The following DDX43 variants were observed in gnomAD, a reference collection of about 807,000 sequenced individuals.
DDX43 encodes the protein probable ATP-dependent RNA helicase DDX43.
DDX43 carries 50 observed loss-of-function variants against 84.9 expected under a neutral mutation model. The ratio of observed to expected loss-of-function variants is 0.59; its 90% CI spans 0.47 to 0.75. The LOEUF (loss-of-function observed/expected upper bound fraction) is 0.75. Ranked by LOEUF, DDX43 falls within the 30% of genes least tolerant of loss-of-function variation. DDX43 has a pLI of 0.00. For synonymous variants in DDX43, 291 were observed against 266.3 expected (o/e 1.09, Z -0.90); for missense variants, 689 against 798.6 (o/e 0.86, Z 1.65).
In DDX43 at chr6:73,406,236, A is replaced by C. The variant is rs112999480; in HGVS notation, c.808-128A>C. The C allele has an allele frequency of 3.7e-3, 2,124 of 572,102 alleles. 42 individuals carry two copies. Among genetic ancestry groups the C allele is most frequent in the African/African-American group, 0.037 (1,944 of 52,452 alleles). 35.4% of individuals were successfully genotyped at this position (572,102 alleles called of 1,614,324 possible). ...ACGGTTTCTCTATGTTGGTCAGGCT[A>C]GTCTCGAACTCCCGACCTCAGGAGA... On this transcript the variant is annotated intron_variant, in intron 6 of 16. Transcript: ENST00000370336.
In DDX43 at chr6:73,405,221, A is replaced by G. The variant is rs79298067; in HGVS notation, c.650+450A>G. ...TGGTTTTTCTTACTATTAAAGTCTGATAAAACTAAGAGATGCATGGAATAG... is the reference window on the plus strand; with the variant it reads ...TGGTTTTTCTTACTATTAAAGTCTGGTAAAACTAAGAGATGCATGGAATAG... On this transcript the variant is annotated intron_variant, in intron 5 of 16. Transcript: ENST00000370336. Among the ~76,000 whole-genome samples the G allele has an allele frequency of 8.4e-3, 1,283 of 152,304 alleles. 24 individuals carry two copies. The highest frequency in any genetic ancestry group is 0.029 in the African/African-American group (1,217 of 41,564).
In DDX43 at chr6:73,417,213, A is replaced by C. The variant is rs972822810; in HGVS notation, c.*52A>C. 6.6e-6 allele frequency: 1 copy of C among 152,180 alleles called. No homozygotes were observed. Among genetic ancestry groups the C allele is most frequent in the East Asian group, 1.9e-4 (1 of 5,202 alleles). 9.4% of individuals were successfully genotyped at this position (152,180 alleles called of 1,614,324 possible). A position where few individuals can be genotyped will look rare whatever the true frequency, so the allele number is the denominator to read the frequency against. ...ATTCAAGATTTTTTAGAAATATAGT[A>C]AGACGGAAGTATTGGACATGTTGGC... is the stretch of plus-strand genomic sequence containing the variant. On this transcript the variant is annotated 3_prime_UTR_variant, in exon 17 of 17. Transcript: ENST00000370336.
intron 5 of DDX43, among the ~76,000 whole-genome samples, chr6:73,405,375 A>G (rs1366681318): frequency 1.3e-5 from 2 of 152,184 alleles, no homozygotes; most frequent in African/African-American, 2.4e-5. Context: ...TAGGCCCTCA[A>G]TGTTTGCCAA....
At chr6:73,412,322 C>T (rs912287908) in intron 11 of DDX43, 30 bp downstream of exon 11, 21 of 1,573,184 alleles carry the variant, frequency 1.3e-5, no homozygotes, top group Non-Finnish European at 1.7e-5. Context: ...TATTGTTTAA[C>T]ATTTCTTATG....
At chr6:73,404,605 A>G in intron 4 of DDX43, 85 bp from the exon 5 acceptor site, 1 of 1,018,790 alleles carries the variant, frequency 9.8e-7, no homozygotes, top group East Asian at 2.4e-5. Flanking sequence ...AATAAAATAT[A>G]TTGTAGTATG....
chr6:73,416,554 A>T (rs1769907882), intron 16 of DDX43, among the ~76,000 whole-genome samples: 1 of 152,252 alleles, frequency 6.6e-6, no homozygotes, highest in Non-Finnish European at 1.5e-5. Context: ...AAGAAAACTC[A>T]GTCATATAGA....
At chr6:73,411,092 C>T (rs527836420) in intron 10 of DDX43, among the ~76,000 whole-genome samples, 96 of 137,570 alleles carry the variant, frequency 7.0e-4, no homozygotes, top group African/African-American at 2.4e-3. Context: ...AGGAGAATGG[C>T]GTGAACCTGG....
chr6:73,406,155 C>T (rs1367443230), intron 6 of DDX43, among the ~76,000 whole-genome samples: 1 of 151,836 alleles, frequency 6.6e-6, no homozygotes, highest in Non-Finnish European at 1.5e-5. Flanking sequence ...TCCCTTGTAG[C>T]TGGGATTACA....
In DDX43 at chr6:73,417,252, C is replaced by T. The variant is rs183325418; in HGVS notation, c.*91C>T. The T allele has an allele frequency of 5.8e-4, 88 of 152,062 alleles. 1 individual carries two copies. Among genetic ancestry groups the T allele is most frequent in the African/African-American group, 2.0e-3 (81 of 41,494 alleles). The allele number at this position is 152,062 out of a possible 1,614,324, so 9.4% of individuals were successfully genotyped here. A position where few individuals can be genotyped will look rare whatever the true frequency, so the allele number is the denominator to read the frequency against. On this transcript the variant is annotated 3_prime_UTR_variant, in exon 17 of 17. Transcript: ENST00000370336. ...GGACATGTTGGCAGTATGAAGAGAC[C>T]GGACTGATTTGACTGATTCTTAAAA... is the stretch of plus-strand genomic sequence containing the variant.
At chr6:73,405,132 AATCTT>A (rs1297039161) in intron 5 of DDX43, among the ~76,000 whole-genome samples, 2 of 152,100 alleles carry the variant, frequency 1.3e-5, no homozygotes, top group African/African-American at 2.4e-5. Context: ...AAAAAGATCT[AATCTT>A]GTTAATTTCT....
intron 9 of DDX43, among the ~76,000 whole-genome samples, chr6:73,408,717 T>C (rs1446717877): frequency 6.6e-6 from 1 of 151,840 alleles, no homozygotes; most frequent in Non-Finnish European, 1.5e-5. Flanking sequence ...CCACCACACC[T>C]GGCTAATTTT....
chr6:73,410,055 T>C (rs981485171), intron 10 of DDX43, among the ~76,000 whole-genome samples: 1 of 151,262 alleles, frequency 6.6e-6, no homozygotes, highest in African/African-American at 2.4e-5. Context: ...AAGAATGATA[T>C]ATCCTGGGCT....
intron 10 of DDX43, among the ~76,000 whole-genome samples, chr6:73,410,191 C>A (rs1435166774): frequency 6.6e-6 from 1 of 152,116 alleles, no homozygotes; most frequent in Non-Finnish European, 1.5e-5. Context: ...TATTTTGAGA[C>A]AAAGTCTCGC....
In DDX43 at chr6:73,414,004, A is replaced by G; in HGVS notation, c.1531A>G (p.Asn511Asp). 5.0e-6 allele frequency: 8 copies of G among 1,612,444 alleles called. No individual in the cohort carries two copies. Among genetic ancestry groups the G allele is most frequent in the Non-Finnish European group, 6.8e-6 (8 of 1,178,556 alleles). The change falls in exon 13 of 17, where the codon AAT (asparagine) becomes GAT (aspartate). Residue 511 changes from asparagine (N) to aspartate (D), a missense_variant. Physicochemically the swap from Asn to Asp is conservative, Grantham distance 23. Coordinates refer to ENST00000370336, the MANE Select transcript of DDX43 (RefSeq NM_018665.3). ...DHLSSDLILG[N>D]ISVESLHGDR... ...CTTATCAAGTGACCTAATACTTGGA[A>G]ATATATCAGTAGAGTCTCTGCATGG... is the stretch of plus-strand genomic sequence containing the variant.
At chr6:73,409,392 G>A in intron 10 of DDX43, 44 bp downstream of exon 10, 1 of 1,418,356 alleles carries the variant, frequency 7.1e-7, no homozygotes, top group Non-Finnish European at 9.9e-7. Flanking sequence ...GAAATCAGTG[G>A]AATAGAATCT....
rs185472421 is a variant in DDX43 at position 73,402,397 on chromosome 6, T to G, written c.568+407T>G. Among the ~76,000 whole-genome samples the G allele has an allele frequency of 1.3e-4, 20 of 152,286 alleles. 1 individual carries two copies. The highest frequency in any genetic ancestry group is 1.3e-3 in the Admixed American group (20 of 15,282). ...ATTAAATCATAAGAAGCATTACAGTTCTTGGCAGCATTTTGTTTGTTTGTT... is the reference window on the plus strand; with the variant it reads ...ATTAAATCATAAGAAGCATTACAGTGCTTGGCAGCATTTTGTTTGTTTGTT... On this transcript the variant is annotated intron_variant, in intron 4 of 16. Coordinates refer to ENST00000370336, the MANE Select transcript of DDX43 (RefSeq NM_018665.3).
At position 73,413,964 on chromosome 6, in the gene DDX43, C is replaced by G. The variant is rs1324952354; in HGVS notation, c.1497-6C>G. ...CTAAGAATGCTGAGTTTATCTTTTG[C>G]TTCAGTGCGGATCACTTATCAAGTG... On this transcript the variant is annotated splice_polypyrimidine_tract_variant and splice_region_variant and intron_variant, in intron 12 of 16. Transcript: ENST00000370336. 1 of 1,596,428 alleles carries G rather than the reference C, an allele frequency of 6.3e-7. No homozygotes were observed. The highest frequency in any genetic ancestry group is 2.2e-5 in the East Asian group (1 of 44,726).
At chr6:73,414,479 ATAT>A (rs1769864774) in intron 13 of DDX43, 66 bp from the exon 14 acceptor site, 2 of 1,257,334 alleles carry the variant, frequency 1.6e-6, no homozygotes, top group Non-Finnish European at 2.2e-6. Context: ...GTTAGGGCAA[ATAT>A]TATTTTTAGA....
intron 10 of DDX43, among the ~76,000 whole-genome samples, chr6:73,410,916 G>A (rs1355887626): frequency 1.3e-5 from 2 of 151,852 alleles, no homozygotes; most frequent in African/African-American, 4.8e-5. Context: ...GCCAGGCGCC[G>A]TGGCTCACGC....
Sources: gnomAD v4.1 joint callset for allele counts (sites outside exome capture counted in the v4.1 genomes callset) on GRCh38, gnomAD v4.1.1 for gene constraint, MANE v1.5 for transcripts, NCBI Gene and HGNC (gene_info 2026-07-23, HGNC 2026-07-21) for gene names.